Variants in LAMB3 observed in about 807,000 individuals in gnomAD.
The protein encoded by LAMB3 is laminin subunit beta-3.
LAMB3 carries 104 observed loss-of-function variants against 140.3 expected under a neutral mutation model. That is an observed-to-expected ratio of 0.74 (90% CI 0.63 to 0.87). The LOEUF (loss-of-function observed/expected upper bound fraction) is 0.87. Among genes scored for constraint, LAMB3 ranks in the 40% least tolerant of loss-of-function variants. The probability of loss-of-function intolerance (pLI) is 0.00; values close to 1 mark genes in which losing one functional copy is unlikely to be tolerated. For missense variants in LAMB3, 1,531 were observed against 1,575.2 expected (o/e 0.97, Z 0.47); for synonymous variants, 592 against 602.9 (o/e 0.98, Z 0.26).
At chr1:209,646,790 T>C (rs1368148075) in intron 3 of LAMB3, among the ~76,000 whole-genome samples, 1 of 152,232 alleles carries the variant, frequency 6.6e-6, no homozygotes, top group Non-Finnish European at 1.5e-5. Context: ...ATGCTGGTGG[T>C]CACTTTACAC....
Position 209,627,488 on chromosome 1 carries a change from G to C in LAMB3, c.1380C>G (p.Pro460=). 1 of 1,614,064 alleles carries C rather than the reference G, an allele frequency of 6.2e-7. No individual in the cohort carries two copies. Among genetic ancestry groups the C allele is most frequent in the Non-Finnish European group, 8.5e-7 (1 of 1,180,026 alleles). The change falls in exon 12 of 23, where the codon CCC becomes CCG. Residue 460 remains proline (P), a synonymous_variant. Coordinates refer to ENST00000356082, the MANE Select transcript of LAMB3 (RefSeq NM_000228.3). ...RCLCLPNVVG[P]KCDQCAPYHW... Reference sequence around the variant, plus strand: ...GGTAGGGAGCACACTGGTCACATTTGGGACCCACCACGTTGGGCAGACAAA... The same window carrying C: ...GGTAGGGAGCACACTGGTCACATTTCGGACCCACCACGTTGGGCAGACAAA...
chr1:209,639,514 AC>A (rs2076444817), intron 3 of LAMB3, among the ~76,000 whole-genome samples: 1 of 152,112 alleles, frequency 6.6e-6, no homozygotes, highest in Non-Finnish European at 1.5e-5. Flanking sequence ...CCAGAACTGA[AC>A]CCCATAGGTT....
chr1:209,626,092 G>GCTCT, intron 13 of LAMB3, 66 bp from the exon 14 acceptor site: 2 of 1,543,296 alleles, frequency 1.3e-6, no homozygotes, highest in Non-Finnish European at 1.8e-6. Context: ...GTCAGGGAGA[G>GCTCT]CCCTGAAGAG....
In LAMB3 at chr1:209,629,613, C is replaced by T. The variant is rs12567766; in HGVS notation, c.1132+124G>A. 36,872 of 901,002 alleles carry T rather than the reference C, an allele frequency of 0.041. 3,681 individuals carry two copies. The highest frequency in any genetic ancestry group is 0.26 in the East Asian group (10,006 of 38,758). The allele number at this position is 901,002 out of a possible 1,614,324, so 55.8% of individuals were successfully genotyped here. ...AAATAATCTCCCACAAATCCTGACT[C>T]ACAGCCAAGTTTTCATGCTCCCTGA... On this transcript the variant is annotated intron_variant, in intron 10 of 22. Transcript: ENST00000356082.
chr1:209,645,945 G>A (rs139643553), intron 3 of LAMB3, among the ~76,000 whole-genome samples: 3 of 152,302 alleles, frequency 2.0e-5, no homozygotes, highest in African/African-American at 4.8e-5. Flanking sequence ...ATGCATGTGC[G>A]CCTGCGCGTA....
At chr1:209,624,408 T>C (rs1340035720) in intron 14 of LAMB3, among the ~76,000 whole-genome samples, 1 of 152,136 alleles carries the variant, frequency 6.6e-6, no homozygotes, top group African/African-American at 2.4e-5. Flanking sequence ...CAGCTCCAGA[T>C]CCCATCACTG....
At position 209,623,156 on chromosome 1, in the gene LAMB3, C is replaced by G. The variant is rs747951188; in HGVS notation, c.2382G>C (p.Met794Ile). Reference sequence around the variant, plus strand: ...CAGGGCATGATATTGGGGTGCAAGCCATCTGCCTGGAGTTGCCACAGAGCT... The same window carrying G: ...CAGGGCATGATATTGGGGTGCAAGCGATCTGCCTGGAGTTGCCACAGAGCT... ...FNKLCGNSRQ[M>I]ACTPISCPGE... is the part of the protein sequence containing the mutation. The change falls in exon 17 of 23, where the codon ATG becomes ATC. Residue 794 changes from methionine to isoleucine, a missense_variant. Met to Ile is a conservative substitution (Grantham distance 10). Coordinates refer to ENST00000356082, the MANE Select transcript of LAMB3 (RefSeq NM_000228.3). This position sits in a 1 kb window ranked among gnomAD's most constrained non-coding sequence, Gnocchi z 4.2. 1 of 1,614,192 alleles carries G rather than the reference C, an allele frequency of 6.2e-7. No homozygotes were observed. The highest frequency in any genetic ancestry group is 2.2e-5 in the East Asian group (1 of 44,876).
intron 20 of LAMB3, 39 bp downstream of exon 20, chr1:209,617,868 T>TA: frequency 1.2e-6 from 2 of 1,614,042 alleles, no homozygotes; most frequent in Non-Finnish European, 1.7e-6. Context: ...TTTTCCTGTT[T>TA]ATGCCCAAAT....
At chr1:209,619,769 A>ACTC (rs1666121644) in intron 18 of LAMB3, among the ~76,000 whole-genome samples, 1 of 151,872 alleles carries the variant, frequency 6.6e-6, no homozygotes, top group South Asian at 2.1e-4. Context: ...GCCCAGTTTC[A>ACTC]CTCTACAACT....
chr1:209,622,889 A>G lies in LAMB3; in HGVS notation c.2556+93T>C. 1.1e-5 allele frequency: 17 copies of G among 1,478,674 alleles called. No individual in the cohort carries two copies. In the South Asian group the frequency reaches 1.8e-4, roughly 16 times the overall value. 91.6% of individuals were successfully genotyped at this position (1,478,674 alleles called of 1,614,324 possible). ...TAAGCAGGTCACCTAAAATCTCTGG[A>G]CTTTAGTGTAAAATGGGAACTCTGA... On this transcript the variant is annotated intron_variant, in intron 17 of 22. Transcript: ENST00000356082.
At position 209,622,740 on chromosome 1, in the gene LAMB3, C is replaced by T. The variant is rs1241971782; in HGVS notation, c.2557-60G>A. The T allele has an allele frequency of 1.2e-5, 19 of 1,604,776 alleles. No homozygotes were observed. The Admixed American group carries it at 3.2e-4, about 27-fold the overall frequency. On this transcript the variant is annotated intron_variant, in intron 17 of 22. Coordinates refer to ENST00000356082, the MANE Select transcript of LAMB3 (RefSeq NM_000228.3). Reference sequence around the variant, plus strand: ...GCCCCAAGGGAACCTCTCAGCAGCCCCACGATTCTGCGGATCATCCTCTAT... The same window carrying T: ...GCCCCAAGGGAACCTCTCAGCAGCCTCACGATTCTGCGGATCATCCTCTAT...
intron 2 of LAMB3, 96 bp downstream of exon 2, chr1:209,650,821 A>G: frequency 8.8e-7 from 1 of 1,139,896 alleles, no homozygotes; most frequent in Non-Finnish European, 1.3e-6. Flanking sequence ...TACAGGTGAC[A>G]GGTGATGCCC....
chr1:209,651,653 G>C (rs1043353825), intron 1 of LAMB3, among the ~76,000 whole-genome samples: 7 of 152,230 alleles, frequency 4.6e-5, no homozygotes, highest in African/African-American at 1.7e-4. Flanking sequence ...CTCGACAAGA[G>C]GGGTGGGGCT....
At chr1:209,616,860 A>C (rs1220655563) in intron 21 of LAMB3, among the ~76,000 whole-genome samples, 1 of 152,184 alleles carries the variant, frequency 6.6e-6, no homozygotes. Context: ...CTCCCAGGAC[A>C]ATGTCAGTCA....
intron 3 of LAMB3, among the ~76,000 whole-genome samples, chr1:209,645,080 C>G (rs772482673): frequency 6.6e-6 from 1 of 152,198 alleles, no homozygotes; most frequent in African/African-American, 2.4e-5. Flanking sequence ...CCCCTTAGCC[C>G]ATAACAATTA....
chr1:209,633,251 C>A, intron 6 of LAMB3, 118 bp from the exon 7 acceptor site: 1 of 766,638 alleles, frequency 1.3e-6, no homozygotes, highest in Non-Finnish European at 2.3e-6. Flanking sequence ...TACCTGGAAC[C>A]TGAGATAGAC....
At position 209,643,934 on chromosome 1, in the gene LAMB3, G is replaced by T. The variant is rs1368761310; in HGVS notation, c.184-5286C>A. ...CATCTTGTTCTAACATGCTCTTAGA[G>T]TTCTTCCCTGCTCTAGCACATCAGC... On this transcript the variant is annotated intron_variant, in intron 3 of 22. Transcript: ENST00000356082. Among the ~76,000 whole-genome samples the T allele has an allele frequency of 2.0e-5, 3 of 152,224 alleles. No homozygotes were observed. The South Asian group carries it at 6.2e-4, about 32-fold the overall frequency.
intron 3 of LAMB3, among the ~76,000 whole-genome samples, chr1:209,639,844 G>A (rs1226854307): frequency 6.6e-6 from 1 of 152,164 alleles, no homozygotes; most frequent in Non-Finnish European, 1.5e-5. Context: ...GAAACTCCTG[G>A]ACCTGCAGGT....
At position 209,623,486 on chromosome 1, in the gene LAMB3, A is replaced by G. The variant is rs1266505194; in HGVS notation, c.2358+19T>C. On this transcript the variant is annotated intron_variant, in intron 16 of 22. Coordinates refer to ENST00000356082, the MANE Select transcript of LAMB3 (RefSeq NM_000228.3). This position sits in a 1 kb window ranked among gnomAD's most constrained non-coding sequence, Gnocchi z 4.2. ...TGGGGTGTGGGCTCCAGGAAGTGGGACTCCATGCCCCAAGTCACCTTGTTG... is the reference window on the plus strand; with the variant it reads ...TGGGGTGTGGGCTCCAGGAAGTGGGGCTCCATGCCCCAAGTCACCTTGTTG... 5.6e-6 allele frequency: 9 copies of G among 1,606,364 alleles called. No individual in the cohort carries two copies. The highest frequency in any genetic ancestry group is 6.8e-6 in the Non-Finnish European group (8 of 1,173,286).
Sources: allele counts gnomAD v4.1 joint callset (sites outside exome capture counted in the v4.1 genomes callset), GRCh38; gene constraint gnomAD v4.1.1; non-coding constraint Gnocchi (gnomAD v3.1); transcripts MANE v1.5; gene names NCBI Gene and HGNC (gene_info 2026-07-23, HGNC 2026-07-21).